The following ADCY2 variants were observed in gnomAD, a reference collection of about 807,000 sequenced individuals.
ADCY2 encodes adenylate cyclase 2.
ADCY2 carries 31 observed loss-of-function variants against 125.2 expected under a neutral mutation model. The observed-to-expected ratio is 0.25, with a 90% CI of 0.19 to 0.33. ADCY2 has a LOEUF of 0.33. Among genes scored for constraint, ADCY2 ranks in the 10% least tolerant of loss-of-function variants. The pLI, the probability that ADCY2 is intolerant of heterozygous loss-of-function variation, is 1.00. For missense variants in ADCY2, 904 were observed against 1,418.2 expected (o/e 0.64, Z 5.82); for synonymous variants, 512 against 548.4 (o/e 0.93, Z 0.93).
chr5:7,781,312 A>T (rs901126343), intron 18 of ADCY2, among the ~76,000 whole-genome samples: 1 of 152,204 alleles, frequency 6.6e-6, no homozygotes, highest in African/African-American at 2.4e-5. Context: ...TAAGATATAA[A>T]GCTTTGGTCC....
chr5:7,578,680 C>G (rs1303056336), intron 3 of ADCY2, among the ~76,000 whole-genome samples: 2 of 152,142 alleles, frequency 1.3e-5, no homozygotes, highest in African/African-American at 2.4e-5. Flanking sequence ...TAGGAACTGT[C>G]TTAAAGCTAG....
Position 7,562,969 on chromosome 5 carries a change from T to G in ADCY2, c.570+42070T>G, listed in dbSNP as rs76284007. On this transcript the variant is annotated intron_variant, in intron 3 of 24. Transcript: ENST00000338316. ...TTTCCTTTATTTAATTTTTTTAAAT[T>G]CTGTATCTCAGGTTTAATCAGCTTA... 5.8e-4 allele frequency among the ~76,000 whole-genome samples: 88 copies of G among 152,312 alleles called. 1 individual carries two copies. The East Asian group carries it at 0.011, about 19-fold the overall frequency.
intron 3 of ADCY2, among the ~76,000 whole-genome samples, chr5:7,599,419 T>A (rs1156991625): frequency 6.6e-6 from 1 of 152,172 alleles, no homozygotes; most frequent in Non-Finnish European, 1.5e-5. Context: ...GTTGCTAGTT[T>A]CAGTGATTGG....
At chr5:7,778,215 C>T (rs1743803547) in intron 18 of ADCY2, among the ~76,000 whole-genome samples, 1 of 152,242 alleles carries the variant, frequency 6.6e-6, no homozygotes, top group Admixed American at 6.5e-5. Flanking sequence ...ATGACAAAAA[C>T]TTGCTACTGT....
chr5:7,415,913 C>A (rs944349088), intron 2 of ADCY2, among the ~76,000 whole-genome samples: 5 of 151,836 alleles, frequency 3.3e-5, no homozygotes, highest in African/African-American at 1.2e-4. Flanking sequence ...GAGAGGGTGA[C>A]TGAGTAGCTG....
chr5:7,437,146 C>T (rs865816787), intron 2 of ADCY2, among the ~76,000 whole-genome samples: 8 of 152,170 alleles, frequency 5.3e-5, no homozygotes, highest in Middle Eastern at 3.2e-3. Context: ...ATGTGCTGGA[C>T]AGGACTTTTA....
intron 3 of ADCY2, among the ~76,000 whole-genome samples, chr5:7,600,197 G>A (rs1017797166): frequency 3.3e-5 from 5 of 152,178 alleles, no homozygotes; most frequent in Non-Finnish European, 7.3e-5. Context: ...AAAGAGGGAA[G>A]GCATGGAGTG....
chr5:7,486,998 G>A (rs186698484), intron 2 of ADCY2, among the ~76,000 whole-genome samples: 1 of 152,338 alleles, frequency 6.6e-6, no homozygotes, highest in Non-Finnish European at 1.5e-5. Flanking sequence ...ACCATGCTAA[G>A]GTGGCAGTGT....
At chr5:7,441,409 T>A (rs1579446429) in intron 2 of ADCY2, among the ~76,000 whole-genome samples, 1 of 151,848 alleles carries the variant, frequency 6.6e-6, no homozygotes, top group African/African-American at 2.4e-5. Context: ...AATTTAATTA[T>A]TTTTAGTGTT....
intron 2 of ADCY2, among the ~76,000 whole-genome samples, chr5:7,483,116 T>A (rs1198744394): frequency 1.3e-5 from 2 of 152,082 alleles, no homozygotes; most frequent in Non-Finnish European, 2.9e-5. Context: ...GTAGCGTTAC[T>A]GTAGTTAACA....
chr5:7,785,356 T>TA (rs1244653629), intron 19 of ADCY2, among the ~76,000 whole-genome samples: 1 of 152,186 alleles, frequency 6.6e-6, no homozygotes, highest in Non-Finnish European at 1.5e-5. Context: ...AACTGTCCTC[T>TA]AGCTTCCCAA....
At chr5:7,803,583 T>C (rs976389603) in intron 21 of ADCY2, among the ~76,000 whole-genome samples, 3 of 152,260 alleles carry the variant, frequency 2.0e-5, no homozygotes, top group Middle Eastern at 3.4e-3. Context: ...GGGACGCTGA[T>C]AACTAATTCC....
intron 22 of ADCY2, among the ~76,000 whole-genome samples, chr5:7,807,149 C>T (rs1290665955): frequency 6.6e-6 from 1 of 152,220 alleles, no homozygotes; most frequent in Non-Finnish European, 1.5e-5. Flanking sequence ...ACCTGTTCCA[C>T]AATCAGTGTC....
chr5:7,462,869 T>C (rs1561039361), intron 2 of ADCY2, among the ~76,000 whole-genome samples: 1 of 152,198 alleles, frequency 6.6e-6, no homozygotes, highest in African/African-American at 2.4e-5. Flanking sequence ...GCAGGGTGGA[T>C]TCCTTCTGAA....
intron 4 of ADCY2, among the ~76,000 whole-genome samples, chr5:7,665,422 C>A (rs1156344364): frequency 6.6e-6 from 1 of 152,122 alleles, no homozygotes; most frequent in Non-Finnish European, 1.5e-5. Context: ...AAACACGCAC[C>A]CCACTCTTGC....
intron 1 of ADCY2, among the ~76,000 whole-genome samples, chr5:7,403,213 C>T (rs148477138): frequency 6.6e-5 from 10 of 152,002 alleles, no homozygotes; most frequent in Admixed American, 6.5e-4. Context: ...TATCAAGTTA[C>T]TAATGATCTG....
At chr5:7,789,966 G>C (rs1744202307) in intron 20 of ADCY2, among the ~76,000 whole-genome samples, 166 bp downstream of exon 20, 1 of 152,226 alleles carries the variant, frequency 6.6e-6, no homozygotes, top group Non-Finnish European at 1.5e-5. Flanking sequence ...AGGAGATATT[G>C]ATTGGTTGTA....
At chr5:7,485,186 T>C (rs1204998950) in intron 2 of ADCY2, among the ~76,000 whole-genome samples, 21 of 152,186 alleles carry the variant, frequency 1.4e-4, no homozygotes, top group Admixed American at 1.4e-3. Flanking sequence ...GAAACTTGAA[T>C]AGATATGGCT....
intron 2 of ADCY2, among the ~76,000 whole-genome samples, chr5:7,449,267 C>G (rs12652807): frequency 0.099 from 15,071 of 152,238 alleles, 884 homozygotes; most frequent in Middle Eastern, 0.18. Context: ...GCAAATCCAT[C>G]AATTCATTCA....
Sources: allele counts gnomAD v4.1 joint callset (sites outside exome capture counted in the v4.1 genomes callset), GRCh38; gene constraint gnomAD v4.1.1; transcripts MANE v1.5; gene names NCBI Gene and HGNC (gene_info 2026-07-23, HGNC 2026-07-21).